Variants in POU6F2 observed in about 807,000 individuals in gnomAD.
POU6F2 encodes POU class 6 homeobox 2.
In POU6F2, 31 loss-of-function variants were observed where a neutral mutation model predicts 71.3. The ratio of observed to expected loss-of-function variants is 0.43; its 90% CI spans 0.33 to 0.59. The LOEUF (loss-of-function observed/expected upper bound fraction) is 0.59, where lower values mean the gene tolerates loss of function less well. Ranked by LOEUF, POU6F2 falls within the 20% of genes least tolerant of loss-of-function variation. POU6F2 has a pLI of 0.04. For missense variants in POU6F2, 783 were observed against 856.8 expected (o/e 0.91, Z 1.07); for synonymous variants, 347 against 355.7 (o/e 0.98, Z 0.27).
intron 2 of POU6F2, among the ~76,000 whole-genome samples, chr7:39,148,257 G>T (rs950016193): frequency 6.6e-6 from 1 of 152,286 alleles, no homozygotes; most frequent in East Asian, 1.9e-4. Flanking sequence ...GAATTGACAG[G>T]ATTTGACCAG....
intron 4 of POU6F2, among the ~76,000 whole-genome samples, chr7:39,260,963 A>G (rs1394503758): frequency 2.0e-5 from 3 of 151,296 alleles, no homozygotes; most frequent in African/African-American, 7.3e-5. Context: ...CATGCACACC[A>G]CACCCACCAC....
Position 39,085,690 on chromosome 7 carries a change from A to G in POU6F2, c.106-170A>G, listed in dbSNP as rs1020111839. On this transcript the variant is annotated intron_variant, in intron 1 of 9. Transcript: ENST00000518318. ...CGGATCTGTAATAGCTCTTCACTTGACTGCAGCCAGCAATAACAGCGGGAG... is the reference window on the plus strand; with the variant it reads ...CGGATCTGTAATAGCTCTTCACTTGGCTGCAGCCAGCAATAACAGCGGGAG... 7 of 673,046 alleles carry G rather than the reference A, an allele frequency of 1.0e-5. No homozygotes were observed. In the South Asian group the frequency reaches 1.1e-4, roughly 11 times the overall value. 41.7% of individuals were successfully genotyped at this position (673,046 alleles called of 1,614,324 possible). A position where few individuals can be genotyped will look rare whatever the true frequency, so the allele number is the denominator to read the frequency against.
At chr7:39,442,230 C>T (rs561060457) in intron 7 of POU6F2, among the ~76,000 whole-genome samples, 2 of 152,306 alleles carry the variant, frequency 1.3e-5, no homozygotes, top group East Asian at 3.9e-4. Context: ...AGACAGATGC[C>T]ATGAGCTCTT....
rs775550008 is a variant in POU6F2, at chr7:39,207,509, CA to C, written c.488del (p.Gln163ArgfsTer29). On this transcript the variant is annotated frameshift_variant, in exon 4 of 10. Transcript: ENST00000518318. LOFTEE classifies it high-confidence loss of function. ...PFNMAGQLGG[Q>X]QGLVLTLPTA... ...CAACATGGCGGGACAGCTAGGAGGC[CA>C]GCAAGGACTGGTTCTCACACTGCCA... The C allele has an allele frequency of 1.2e-6, 2 of 1,613,996 alleles. No homozygotes were observed. The highest frequency in any genetic ancestry group is 1.7e-6 in the Non-Finnish European group (2 of 1,179,886).
chr7:39,194,770 T>G (rs1334654728), intron 2 of POU6F2, among the ~76,000 whole-genome samples: 3 of 152,208 alleles, frequency 2.0e-5, no homozygotes, highest in Non-Finnish European at 4.4e-5. Context: ...CTTTATGAGC[T>G]GTAACACTCA....
At chr7:39,326,601 A>G (rs940982089) in intron 4 of POU6F2, among the ~76,000 whole-genome samples, 75 of 152,366 alleles carry the variant, frequency 4.9e-4, no homozygotes, top group African/African-American at 1.8e-3. Flanking sequence ...TAGGAGTTCT[A>G]ATTTGCTATT....
chr7:38,998,635 T>C (rs1054354736), intron 1 of POU6F2, among the ~76,000 whole-genome samples: 1 of 151,016 alleles, frequency 6.6e-6, no homozygotes, highest in Non-Finnish European at 1.5e-5. Flanking sequence ...GCAGTAAAGA[T>C]ATTCTTGGTG....
intron 5 of POU6F2, among the ~76,000 whole-genome samples, chr7:39,369,297 G>A (rs946127785): frequency 2.0e-5 from 3 of 152,096 alleles, no homozygotes; most frequent in Non-Finnish European, 4.4e-5. Context: ...ATCGAGGCAA[G>A]ACCCTCCATC....
chr7:39,253,662 C>T (rs150656468), intron 4 of POU6F2, among the ~76,000 whole-genome samples: 2 of 152,058 alleles, frequency 1.3e-5, no homozygotes, highest in African/African-American at 4.8e-5. Context: ...AAGACCCCAG[C>T]GTCATGCAAA....
intron 6 of POU6F2, among the ~76,000 whole-genome samples, chr7:39,416,403 A>G (rs968618449): frequency 1.3e-5 from 2 of 152,166 alleles, no homozygotes; most frequent in African/African-American, 4.8e-5. Flanking sequence ...AGTGCTTCGT[A>G]TGGGCACTCA....
intron 5 of POU6F2, among the ~76,000 whole-genome samples, chr7:39,363,944 G>A (rs891055353): frequency 1.3e-5 from 2 of 152,154 alleles, no homozygotes; most frequent in Non-Finnish European, 2.9e-5. Context: ...ATTTTTCTCT[G>A]AAAGGAAGCC....
intron 1 of POU6F2, among the ~76,000 whole-genome samples, chr7:39,071,900 T>G (rs897441903): frequency 1.3e-5 from 2 of 152,168 alleles, no homozygotes; most frequent in Non-Finnish European, 2.9e-5. Flanking sequence ...ATTCAAAAGA[T>G]GATTTCTTGC....
At chr7:39,236,967 T>C (rs1330544648) in intron 4 of POU6F2, among the ~76,000 whole-genome samples, 1 of 152,194 alleles carries the variant, frequency 6.6e-6, no homozygotes, top group Non-Finnish European at 1.5e-5. Flanking sequence ...TTGGAAGATA[T>C]AAAGACGCTA....
chr7:39,016,016 A>G (rs376365353), intron 1 of POU6F2, among the ~76,000 whole-genome samples: 9,568 of 17,346 alleles, frequency 0.55, 2,199 homozygotes, highest in Middle Eastern at 0.71. Context: ...ATTATATATT[A>G]TATATATTAT....
intron 6 of POU6F2, among the ~76,000 whole-genome samples, chr7:39,426,535 A>T (rs1282833648): frequency 6.6e-6 from 1 of 152,110 alleles, no homozygotes; most frequent in Non-Finnish European, 1.5e-5. Context: ...AATGGCAGGC[A>T]GTGATCTTTC....
intron 4 of POU6F2, among the ~76,000 whole-genome samples, chr7:39,224,669 G>T (rs1028865294): frequency 1.3e-5 from 2 of 152,114 alleles, no homozygotes; most frequent in Admixed American, 6.5e-5. Flanking sequence ...ATGAAATACA[G>T]GCAGAAAAAA....
intron 1 of POU6F2, among the ~76,000 whole-genome samples, chr7:39,058,166 A>G (rs551175698): frequency 6.6e-6 from 1 of 152,178 alleles, no homozygotes; most frequent in Non-Finnish European, 1.5e-5. Flanking sequence ...TGAAAGCAGC[A>G]TATTTCAGCT....
chr7:39,041,830 T>A (rs1322132920), intron 1 of POU6F2, among the ~76,000 whole-genome samples: 2 of 151,934 alleles, frequency 1.3e-5, no homozygotes, highest in Admixed American at 1.3e-4. Flanking sequence ...TCCACATGTT[T>A]TCATGGAAAA....
intron 4 of POU6F2, among the ~76,000 whole-genome samples, chr7:39,266,962 A>G (rs1379120874): frequency 1.3e-5 from 2 of 152,120 alleles, no homozygotes; most frequent in Non-Finnish European, 2.9e-5. Context: ...ATGTAGTGGT[A>G]ACTTTGTACC....
Sources: allele counts gnomAD v4.1 joint callset (sites outside exome capture counted in the v4.1 genomes callset), GRCh38; gene constraint gnomAD v4.1.1; transcripts MANE v1.5; gene names NCBI Gene and HGNC (gene_info 2026-07-23, HGNC 2026-07-21).